ADAMTS3: variants seen among roughly 807,000 people sequenced by gnomAD.
ADAMTS3 encodes the protein A disintegrin and metalloproteinase with thrombospondin motifs 3.
In ADAMTS3, 73 loss-of-function variants were observed where a neutral mutation model predicts 129.0. The observed-to-expected ratio is 0.57, with a 90% CI of 0.47 to 0.69. ADAMTS3 has a LOEUF of 0.69. Among genes scored for constraint, ADAMTS3 ranks in the 30% least tolerant of loss-of-function variants. The pLI is 0.00. For missense variants in ADAMTS3, 1,457 were observed against 1,514.5 expected (o/e 0.96, Z 0.63); for synonymous variants, 477 against 510.8 (o/e 0.93, Z 0.89).
chr4:72,448,368 T>C (rs910084784), intron 3 of ADAMTS3, among the ~76,000 whole-genome samples: 2 of 151,806 alleles, frequency 1.3e-5, no homozygotes, highest in Non-Finnish European at 2.9e-5. Context: ...CAGAGTAATT[T>C]TCTTACATAA....
At position 72,528,112 on chromosome 4, in the gene ADAMTS3, A is replaced by G. The variant is rs181317622; in HGVS notation, c.504+20366T>C. 1.5e-4 allele frequency among the ~76,000 whole-genome samples: 23 copies of G among 152,298 alleles called. 1 individual carries two copies. The East Asian group carries it at 3.7e-3, about 24-fold the overall frequency. The stretch of plus-strand genomic sequence containing the variant: ...CACAGAACTACAAGTTGCTGTAGTA[A>G]TAACACTGACTGAAAAGTCAGTACA... On this transcript the variant is annotated intron_variant, in intron 3 of 21. Coordinates refer to ENST00000286657, the MANE Select transcript of ADAMTS3 (RefSeq NM_014243.3).
intron 3 of ADAMTS3, among the ~76,000 whole-genome samples, chr4:72,469,031 C>T (rs568514639): frequency 1.3e-5 from 2 of 151,988 alleles, no homozygotes; most frequent in South Asian, 4.1e-4. Context: ...GATTATAAAT[C>T]ATACTACAAT....
Position 72,349,880 on chromosome 4 carries a change from G to A in ADAMTS3, c.662-10187C>T, listed in dbSNP as rs115726182. 4.6e-3 allele frequency among the ~76,000 whole-genome samples: 692 copies of A among 152,042 alleles called. 4 individuals are homozygous for A. Among genetic ancestry groups the A allele is most frequent in the African/African-American group, 0.016 (662 of 41,524 alleles). On this transcript the variant is annotated intron_variant, in intron 4 of 21. Coordinates refer to ENST00000286657, the MANE Select transcript of ADAMTS3 (RefSeq NM_014243.3). Reference sequence around the variant, plus strand: ...CATTCTACATTTTTAAAAATCTAAAGTGCTTTTGCTTATTTGAATAATACT... The same window carrying A: ...CATTCTACATTTTTAAAAATCTAAAATGCTTTTGCTTATTTGAATAATACT...
At chr4:72,367,806 C>A (rs1034152934) in intron 4 of ADAMTS3, among the ~76,000 whole-genome samples, 2 of 147,710 alleles carry the variant, frequency 1.4e-5, no homozygotes, top group African/African-American at 5.0e-5. Context: ...GCGGAGATGG[C>A]GCCACTACAC....
At chr4:72,375,092 C>T (rs1282349704) in intron 4 of ADAMTS3, among the ~76,000 whole-genome samples, 1 of 152,158 alleles carries the variant, frequency 6.6e-6, no homozygotes, top group Non-Finnish European at 1.5e-5. Context: ...TTCTTGGCTA[C>T]CTATTTTATT....
At chr4:72,540,549 T>C (rs1721294021) in intron 3 of ADAMTS3, among the ~76,000 whole-genome samples, 1 of 152,026 alleles carries the variant, frequency 6.6e-6, no homozygotes, top group Admixed American at 6.6e-5. Context: ...ATGGGGAAAA[T>C]GTCTCCAGGG....
At chr4:72,316,341 T>C (rs1277310761) in intron 10 of ADAMTS3, among the ~76,000 whole-genome samples, 1 of 152,174 alleles carries the variant, frequency 6.6e-6, no homozygotes, top group Non-Finnish European at 1.5e-5. Context: ...TCTCAAGCTA[T>C]CAAAATGTCT....
intron 3 of ADAMTS3, among the ~76,000 whole-genome samples, chr4:72,441,305 TTTC>T (rs1239673578): frequency 2.6e-5 from 4 of 151,782 alleles, no homozygotes; most frequent in Admixed American, 6.6e-5. Flanking sequence ...TTTATGTATT[TTTC>T]AACATTTGTA....
intron 21 of ADAMTS3, among the ~76,000 whole-genome samples, chr4:72,285,769 C>CAAAAA (rs5859311): frequency 1.1e-5 from 1 of 93,672 alleles, no homozygotes; most frequent in African/African-American, 3.9e-5. Flanking sequence ...AGCTTACAGG[C>CAAAAA]AAAAAAAAAA....
chr4:72,371,706 C>T (rs1325651205), intron 4 of ADAMTS3, among the ~76,000 whole-genome samples: 2 of 151,974 alleles, frequency 1.3e-5, no homozygotes, highest in African/African-American at 2.4e-5. Flanking sequence ...GATTTCAGCA[C>T]AACGAACACT....
Position 72,568,815 on chromosome 4 carries a change from A to AAGC in ADAMTS3, c.-54_-53insGCT. On this transcript the variant is annotated 5_prime_UTR_variant, in exon 1 of 22. Coordinates refer to ENST00000286657, the MANE Select transcript of ADAMTS3 (RefSeq NM_014243.3). ...TGGGCAAAGCAAATGCCCAGAGCAA[A>AAGC]CCCACCCCCCCCGCCCAAAATAAGT... is the stretch of plus-strand genomic sequence containing the variant. 1 of 1,150,002 alleles carries AAGC rather than the reference A, an allele frequency of 8.7e-7. No homozygotes were observed. Among genetic ancestry groups the AAGC allele is most frequent in the Non-Finnish European group, 1.2e-6 (1 of 850,606 alleles). The allele number at this position is 1,150,002 out of a possible 1,614,324, so 71.2% of individuals were successfully genotyped here.
intron 3 of ADAMTS3, among the ~76,000 whole-genome samples, chr4:72,469,121 A>C (rs1028086457): frequency 3.3e-5 from 5 of 152,172 alleles, no homozygotes; most frequent in African/African-American, 1.2e-4. Context: ...GGATGAATGA[A>C]TACAAAATTC....
intron 3 of ADAMTS3, among the ~76,000 whole-genome samples, chr4:72,520,923 G>A (rs192439444): frequency 8.6e-5 from 13 of 152,032 alleles, no homozygotes; most frequent in South Asian, 2.1e-4. Flanking sequence ...GAAATCACCC[G>A]TCTTCTGCAT....
At chr4:72,419,382 T>C (rs1488489213) in intron 3 of ADAMTS3, among the ~76,000 whole-genome samples, 5 of 152,196 alleles carry the variant, frequency 3.3e-5, no homozygotes, top group Admixed American at 1.3e-4. Flanking sequence ...GAGTGAATGA[T>C]ACAAATGAGG....
intron 5 of ADAMTS3, among the ~76,000 whole-genome samples, chr4:72,329,842 G>A (rs567014877): frequency 2.1e-4 from 32 of 151,752 alleles, no homozygotes; most frequent in African/African-American, 7.7e-4. Context: ...TCTTTAGCAA[G>A]ATTAGCTCTA....
At chr4:72,524,846 G>T (rs545210812) in intron 3 of ADAMTS3, among the ~76,000 whole-genome samples, 1 of 152,242 alleles carries the variant, frequency 6.6e-6, no homozygotes, top group Admixed American at 6.5e-5. Flanking sequence ...TGAGTCAACT[G>T]AAGGGAAGAA....
intron 19 of ADAMTS3, among the ~76,000 whole-genome samples, chr4:72,292,908 G>A (rs903481579): frequency 6.6e-6 from 1 of 152,132 alleles, no homozygotes; most frequent in Non-Finnish European, 1.5e-5. Context: ...CAATTTTGAA[G>A]ACTTCAGTGA....
chr4:72,365,693 C>T (rs1720853363), intron 4 of ADAMTS3, among the ~76,000 whole-genome samples: 2 of 151,856 alleles, frequency 1.3e-5, no homozygotes, highest in South Asian at 2.1e-4. Flanking sequence ...ATGGAAAATC[C>T]CTGGAACATG....
At chr4:72,367,127 C>CA (rs1430319877) in intron 4 of ADAMTS3, among the ~76,000 whole-genome samples, 1 of 152,124 alleles carries the variant, frequency 6.6e-6, no homozygotes, top group African/African-American at 2.4e-5. Context: ...TTCTTGAAAA[C>CA]ATCTATTTCA....
Sources: gnomAD v4.1 joint callset for allele counts (sites outside exome capture counted in the v4.1 genomes callset) on GRCh38, gnomAD v4.1.1 for gene constraint, MANE v1.5 for transcripts, NCBI Gene and HGNC (gene_info 2026-07-23, HGNC 2026-07-21) for gene names.